The following SPINK9 variants were observed in gnomAD, a reference collection of about 807,000 sequenced individuals.
SPINK9 encodes serine protease inhibitor Kazal-type 9.
SPINK9 carries 3 observed loss-of-function variants against 10.8 expected under a neutral mutation model. That is an observed-to-expected ratio of 0.28 (90% CI 0.13 to 0.72). The LOEUF (loss-of-function observed/expected upper bound fraction) is 0.72. SPINK9 is among the 30% of genes least tolerant of loss of function. SPINK9 has a pLI of 0.74. For missense variants in SPINK9, 101 were observed against 103.2 expected, an observed-to-expected ratio of 0.98 and a Z score of 0.09; for synonymous variants, 30 against 31.2, an observed-to-expected ratio of 0.96 and a Z score of 0.12.
At chr5:148,339,171 A>G (rs1757256082) in intron 3 of SPINK9, among the ~76,000 whole-genome samples, 1 of 152,156 alleles carries the variant, frequency 6.6e-6, no homozygotes, top group Admixed American at 6.6e-5. Flanking sequence ...CAGGTAGCCA[A>G]AAGTAGTTTA....
chr5:148,339,080 T>G (rs1484989924), intron 3 of SPINK9, among the ~76,000 whole-genome samples: 4 of 152,176 alleles, frequency 2.6e-5, no homozygotes, highest in Non-Finnish European at 5.9e-5. Context: ...CTGCAAAATC[T>G]GAAGAACTTT....
chr5:148,325,624 A>G (rs1757048953), intron 2 of SPINK9, among the ~76,000 whole-genome samples: 1 of 151,962 alleles, frequency 6.6e-6, no homozygotes, highest in South Asian at 2.1e-4. Context: ...TTGAACTGTA[A>G]TTTTTTATAT....
chr5:148,327,819 T>C (rs1463132381), intron 2 of SPINK9, among the ~76,000 whole-genome samples: 1 of 152,198 alleles, frequency 6.6e-6, no homozygotes, highest in Non-Finnish European at 1.5e-5. Flanking sequence ...TAGTTGTAGA[T>C]ATGTGGCATT....
rs1195947232 is a variant in SPINK9, at chr5:148,327,825, G to A, written c.118+3957G>A. Among the ~76,000 whole-genome samples, 4 of 152,090 alleles carry A rather than the reference G, an allele frequency of 2.6e-5. No individual in the cohort carries two copies. The South Asian group carries it at 8.3e-4, about 32-fold the overall frequency. On this transcript the variant is annotated intron_variant, in intron 2 of 4. Transcript: ENST00000511717. Reference sequence around the variant, plus strand: ...AAGATCAGATAGTTGTAGATATGTGGCATTATTTCTGAGGGCTCTGTTCTG... The same window carrying A: ...AAGATCAGATAGTTGTAGATATGTGACATTATTTCTGAGGGCTCTGTTCTG...
At position 148,326,989 on chromosome 5, in the gene SPINK9, T is replaced by C. The variant is rs1355088607; in HGVS notation, c.118+3121T>C. 3.9e-5 allele frequency among the ~76,000 whole-genome samples: 6 copies of C among 152,110 alleles called. No homozygotes were observed. The South Asian group carries it at 1.0e-3, about 26-fold the overall frequency. On this transcript the variant is annotated intron_variant, in intron 2 of 4. Coordinates refer to the SPINK9 transcript ENST00000511717. ...CAATAAACATATGTGTGCATGTGTC[T>C]TTATAGCAGCATGATTTATAATCCT...
intron 2 of SPINK9, among the ~76,000 whole-genome samples, chr5:148,328,976 T>C (rs1435233692): frequency 1.3e-5 from 2 of 152,214 alleles, no homozygotes; most frequent in African/African-American, 4.8e-5. Context: ...TTTTTCGTTG[T>C]GTCTCTTCCA....
upstream of SPINK9, among the ~76,000 whole-genome samples, chr5:148,332,073 G>C (rs1269275551): frequency 2.6e-5 from 4 of 152,190 alleles, no homozygotes; most frequent in Non-Finnish European, 4.4e-5. Flanking sequence ...TTAAGGCAAA[G>C]AGTACATATG....
intron 2 of SPINK9, among the ~76,000 whole-genome samples, chr5:148,328,821 G>A (rs930674122): frequency 3.3e-5 from 5 of 152,162 alleles, no homozygotes; most frequent in African/African-American, 4.8e-5. Flanking sequence ...ACTTGTGTAT[G>A]TTGAACCAGC....
chr5:148,322,583 T>C (rs1184055565), intron 1 of SPINK9, among the ~76,000 whole-genome samples: 1 of 152,204 alleles, frequency 6.6e-6, no homozygotes, highest in Non-Finnish European at 1.5e-5. Flanking sequence ...TCCAGAGTTT[T>C]ATCCACTATA....
At chr5:148,325,420 A>C (rs754182735) in intron 2 of SPINK9, among the ~76,000 whole-genome samples, 17 of 152,020 alleles carry the variant, frequency 1.1e-4, no homozygotes, top group Non-Finnish European at 2.2e-4. Context: ...CAATTTCTCT[A>C]CCTATTCACC....
At chr5:148,323,859 C>T (rs771195180) in exon 2 of SPINK9, 27 of 700,062 alleles carry the variant, frequency 3.9e-5, no homozygotes, top group South Asian at 3.7e-4. Context: ...GCAACCTGAA[C>T]ATTTACAAGG....
chr5:148,338,811 C>A (rs1158171880), intron 3 of SPINK9, among the ~76,000 whole-genome samples: 1 of 152,024 alleles, frequency 6.6e-6, no homozygotes, highest in Non-Finnish European at 1.5e-5. Context: ...TCAGAGAATT[C>A]TAAAATCTCC....
chr5:148,327,451 A>G (rs1757079504), intron 2 of SPINK9, among the ~76,000 whole-genome samples: 1 of 152,016 alleles, frequency 6.6e-6, no homozygotes, highest in African/African-American at 2.4e-5. Flanking sequence ...CTCATTCTGT[A>G]GGTTGCCTGT....
chr5:148,323,625 T>G (rs2113408862), intron 1 of SPINK9: 2 of 524,474 alleles, frequency 3.8e-6, no homozygotes, highest in South Asian at 5.8e-5. Flanking sequence ...AGCTGCTAAC[T>G]TGCCGTCATA....
intron 1 of SPINK9, among the ~76,000 whole-genome samples, chr5:148,335,897 T>A (rs1757211619): frequency 6.6e-6 from 1 of 152,232 alleles, no homozygotes; most frequent in Admixed American, 6.5e-5. Flanking sequence ...ATACTTTGTA[T>A]AATTTTTTAG....
chr5:148,336,210 A>G (rs1757215191), intron 1 of SPINK9, among the ~76,000 whole-genome samples: 1 of 152,188 alleles, frequency 6.6e-6, no homozygotes, highest in Non-Finnish European at 1.5e-5. Flanking sequence ...CATTTCTTTG[A>G]CTAGATTCCA....
chr5:148,327,670 AT>A (rs1288301229), intron 2 of SPINK9, among the ~76,000 whole-genome samples: 1 of 151,494 alleles, frequency 6.6e-6, no homozygotes, highest in Non-Finnish European at 1.5e-5. Flanking sequence ...TCCATCTTGA[AT>A]TAATTTTTGT....
In SPINK9 at chr5:148,323,815, AAC is replaced by A. The variant is rs774587388; in HGVS notation, c.69_70del (p.His23GlnfsTer2). 3 of 701,750 alleles carry A rather than the reference AAC, an allele frequency of 4.3e-6. No individual in the cohort carries two copies. Among genetic ancestry groups the A allele is most frequent in the Non-Finnish European group, 2.6e-6 (1 of 384,450 alleles). 43.5% of individuals were successfully genotyped at this position (701,750 alleles called of 1,614,324 possible). The stretch of plus-strand genomic sequence containing the variant: ...AAAACTCCACCAAGCAGCTCAGGAG[AAC>A]ACAATGAACCCAGGAGACTCATGGG... On this transcript the variant is annotated frameshift_variant, in exon 2 of 5. Transcript: ENST00000511717. LOFTEE classifies it high-confidence loss of function.
At chr5:148,339,074 A>G (rs1052019695) in intron 3 of SPINK9, among the ~76,000 whole-genome samples, 3 of 152,308 alleles carry the variant, frequency 2.0e-5, no homozygotes, top group South Asian at 4.1e-4. Flanking sequence ...TAATATCTGC[A>G]AAATCTGAAG....
Sources: gnomAD v4.1 joint callset for allele counts (sites outside exome capture counted in the v4.1 genomes callset) on GRCh38, gnomAD v4.1.1 for gene constraint, MANE v1.5 for transcripts, NCBI Gene and HGNC (gene_info 2026-07-23, HGNC 2026-07-21) for gene names.